Variants in CSGALNACT1 observed in about 807,000 individuals in gnomAD.
CSGALNACT1 encodes beta4GalNAcT-1.
A neutral mutation model predicts 51.0 loss-of-function variants in CSGALNACT1; 52 were observed. That is an observed-to-expected ratio of 1.02 (90% confidence interval 0.82 to 1.29). CSGALNACT1 has a LOEUF of 1.29. Among genes scored for constraint, CSGALNACT1 ranks in the 50% most tolerant of loss-of-function variants. CSGALNACT1 has a pLI of 0.00. For synonymous variants in CSGALNACT1, 341 were observed against 254.4 expected (o/e 1.34, Z -3.24); for missense variants, 935 against 679.2 (o/e 1.38, Z -4.19).
At chr8:19,416,263 T>C (rs1210255278) in intron 8 of CSGALNACT1, among the ~76,000 whole-genome samples, 6 of 152,008 alleles carry the variant, frequency 3.9e-5, no homozygotes, top group South Asian at 2.1e-4. Context: ...TACAGGCGCA[T>C]ACCACCATGC....
chr8:19,624,858 T>C (rs2054253848), intron 1 of CSGALNACT1, among the ~76,000 whole-genome samples: 1 of 152,078 alleles, frequency 6.6e-6, no homozygotes, highest in African/African-American at 2.4e-5. Context: ...TTTCTATTTT[T>C]AGTAGAAATG....
intron 3 of CSGALNACT1, among the ~76,000 whole-genome samples, chr8:19,535,841 G>A (rs1289263585): frequency 6.6e-6 from 1 of 152,146 alleles, no homozygotes; most frequent in African/African-American, 2.4e-5. Flanking sequence ...CACTGGATAA[G>A]GAATATCTAC....
intron 1 of CSGALNACT1, among the ~76,000 whole-genome samples, chr8:19,750,035 A>C (rs1310472398): frequency 6.6e-6 from 1 of 152,054 alleles, no homozygotes; most frequent in Non-Finnish European, 1.5e-5. Flanking sequence ...CCCCTCAAGA[A>C]ATGGTCACTT....
At chr8:19,473,425 T>C (rs986748322) in intron 4 of CSGALNACT1, among the ~76,000 whole-genome samples, 3 of 152,140 alleles carry the variant, frequency 2.0e-5, no homozygotes, top group Non-Finnish European at 4.4e-5. Flanking sequence ...CCATCCGCCG[T>C]CACTAACATG....
intron 1 of CSGALNACT1, among the ~76,000 whole-genome samples, chr8:19,625,149 G>A (rs1022950098): frequency 1.3e-5 from 2 of 152,196 alleles, no homozygotes; most frequent in African/African-American, 4.8e-5. Context: ...TACCTAGATG[G>A]AGAGGGACTG....
intron 1 of CSGALNACT1, among the ~76,000 whole-genome samples, chr8:19,644,560 A>C (rs931660863): frequency 6.6e-6 from 1 of 151,750 alleles, no homozygotes; most frequent in Non-Finnish European, 1.5e-5. Flanking sequence ...AAATACAAAA[A>C]TTAGCTGGGC....
In CSGALNACT1 at chr8:19,701,153, G is replaced by GTTTTTTT. The variant is rs767074945; in HGVS notation, c.-297+56690_-297+56696dup. Among the ~76,000 whole-genome samples the GTTTTTTT allele has an allele frequency of 4.7e-3, 437 of 93,266 alleles. 71 individuals are homozygous for GTTTTTTT. Among genetic ancestry groups the GTTTTTTT allele is most frequent in the African/African-American group, 0.013 (314 of 24,320 alleles). The allele number at this position is 93,266 out of a possible 152,430, so 61.2% of individuals were successfully genotyped here. A position where few individuals can be genotyped will look rare whatever the true frequency, so the allele number is the denominator to read the frequency against. On this transcript the variant is annotated intron_variant, in intron 1 of 1. Transcript: ENST00000517494. ...GAAAATTTCAGTTCATCTATTATCC[G>GTTTTTTT]TTTTTTTTTTTTTTTTTTTTGATAC...
At chr8:19,472,600 G>A (rs1205322478) in intron 4 of CSGALNACT1, among the ~76,000 whole-genome samples, 3 of 152,234 alleles carry the variant, frequency 2.0e-5, no homozygotes, top group African/African-American at 2.4e-5. Context: ...GGGCACACGA[G>A]TAAGAATCTG....
At chr8:19,546,079 G>A (rs1475610404) in intron 3 of CSGALNACT1, among the ~76,000 whole-genome samples, 1 of 151,832 alleles carries the variant, frequency 6.6e-6, no homozygotes, top group Non-Finnish European at 1.5e-5. Flanking sequence ...CTTAAAACAA[G>A]AAGGAAGTTT....
chr8:19,553,582 C>CATAT (rs544360926), intron 3 of CSGALNACT1, among the ~76,000 whole-genome samples: 1 of 131,386 alleles, frequency 7.6e-6, no homozygotes, highest in Non-Finnish European at 1.6e-5. Flanking sequence ...AAGCTCAAAC[C>CATAT]ATATATATAT....
chr8:19,720,305 C>G (rs981029607), intron 1 of CSGALNACT1, among the ~76,000 whole-genome samples: 13 of 152,152 alleles, frequency 8.5e-5, no homozygotes, highest in Admixed American at 6.5e-4. Context: ...AAGACGCGAT[C>G]CCAGTCCACA....
chr8:19,685,996 ACT>A (rs2060954846), upstream of CSGALNACT1, among the ~76,000 whole-genome samples: 1 of 151,688 alleles, frequency 6.6e-6, no homozygotes, highest in East Asian at 1.9e-4. Flanking sequence ...GTAAGTACAC[ACT>A]CTTGGTGGAC....
intron 1 of CSGALNACT1, among the ~76,000 whole-genome samples, chr8:19,667,033 A>AG (rs2059404309): frequency 2.5e-5 from 1 of 40,790 alleles, no homozygotes; most frequent in African/African-American, 1.8e-4. Context: ...GGAAGGAAGG[A>AG]AGGAAGGAAG....
chr8:19,418,047 G>C (rs538852261), intron 8 of CSGALNACT1, among the ~76,000 whole-genome samples: 1 of 152,290 alleles, frequency 6.6e-6, no homozygotes, highest in Admixed American at 6.5e-5. Flanking sequence ...CAGGATCTTA[G>C]CAGAGAAGTC....
intron 1 of CSGALNACT1, among the ~76,000 whole-genome samples, chr8:19,731,435 G>A (rs1265076585): frequency 6.6e-6 from 1 of 152,094 alleles, no homozygotes; most frequent in Non-Finnish European, 1.5e-5. Flanking sequence ...TGGAACCCGG[G>A]AGGTGGAGGG....
intron 1 of CSGALNACT1, among the ~76,000 whole-genome samples, chr8:19,634,456 G>C (rs983410081): frequency 3.9e-5 from 6 of 152,098 alleles, no homozygotes; most frequent in Non-Finnish European, 8.8e-5. Context: ...GAGCCAAAGA[G>C]TTCCAGACCA....
chr8:19,664,498 G>C (rs1052837059), intron 1 of CSGALNACT1, among the ~76,000 whole-genome samples: 8 of 152,064 alleles, frequency 5.3e-5, no homozygotes, highest in Non-Finnish European at 8.8e-5. Context: ...TCTACCCAAA[G>C]GAAAAATCAT....
At chr8:19,656,602 ACAC>A (rs1282351467) in intron 1 of CSGALNACT1, among the ~76,000 whole-genome samples, 12 of 78,998 alleles carry the variant, frequency 1.5e-4, no homozygotes, top group Non-Finnish European at 2.2e-4. Flanking sequence ...CCCCCCCCCC[ACAC>A]ACACACACGA....
chr8:19,488,082 G>A (rs912510029), intron 4 of CSGALNACT1, among the ~76,000 whole-genome samples: 3 of 152,064 alleles, frequency 2.0e-5, no homozygotes, highest in African/African-American at 7.2e-5. Context: ...GGGCTCAGTG[G>A]CTCATGCCTG....
Sources: allele counts gnomAD v4.1 joint callset (sites outside exome capture counted in the v4.1 genomes callset), GRCh38; gene constraint gnomAD v4.1.1; transcripts MANE v1.5; gene names NCBI Gene and HGNC (gene_info 2026-07-23, HGNC 2026-07-21).